The following FAM13B variants were observed in gnomAD, a reference collection of about 807,000 sequenced individuals.
The protein encoded by FAM13B is protein FAM13B.
FAM13B carries 60 observed loss-of-function variants against 117.3 expected under a neutral mutation model. The observed-to-expected ratio is 0.51, with a 90% CI of 0.42 to 0.63. The LOEUF is 0.63. Ranked by LOEUF, FAM13B falls within the 30% of genes least tolerant of loss-of-function variation. The probability of loss-of-function intolerance (pLI) is 0.00; values close to 1 mark genes in which losing one functional copy is unlikely to be tolerated. For missense variants in FAM13B, 972 were observed against 1,091.9 expected (o/e 0.89, Z 1.55); for synonymous variants, 332 against 356.1 (o/e 0.93, Z 0.76).
chr5:138,036,809 G>A (rs1165448646), upstream of FAM13B: 1 of 344,454 alleles, frequency 2.9e-6, no homozygotes, highest in African/African-American at 2.2e-5. Flanking sequence ...GTTCTCAACT[G>A]CGACAATTTT....
chr5:138,043,187 GA>G (rs1791547032), intron 1 of FAM13B, among the ~76,000 whole-genome samples: 1 of 152,054 alleles, frequency 6.6e-6, no homozygotes, highest in African/African-American at 2.4e-5. Context: ...ACCATAGTGA[GA>G]CCCTGTCTCT....
chr5:138,024,443 A>T (rs1055992014), intron 1 of FAM13B, among the ~76,000 whole-genome samples: 2 of 152,074 alleles, frequency 1.3e-5, no homozygotes, highest in African/African-American at 4.8e-5. Flanking sequence ...TGCCCTGTGG[A>T]CACTTCCTTT....
intron 10 of FAM13B, among the ~76,000 whole-genome samples, chr5:137,966,459 T>TTA (rs373885448): frequency 0.014 from 683 of 50,196 alleles, 18 homozygotes; most frequent in Non-Finnish European, 0.016. Context: ...GAAATAGATT[T>TTA]TATATATATA....
At chr5:138,013,944 G>T (rs938940942) in intron 4 of FAM13B, among the ~76,000 whole-genome samples, 50 of 152,184 alleles carry the variant, frequency 3.3e-4, no homozygotes, top group African/African-American at 1.2e-3. Context: ...TGAGCGCAGA[G>T]ATATTTTTTT....
At chr5:138,042,666 T>C (rs1487462476) in intron 1 of FAM13B, among the ~76,000 whole-genome samples, 2 of 147,762 alleles carry the variant, frequency 1.4e-5, no homozygotes, top group African/African-American at 2.5e-5. Flanking sequence ...AGGAAGTGAC[T>C]ATCATAGACA....
chr5:137,985,750 G>C (rs1777047755), intron 9 of FAM13B, among the ~76,000 whole-genome samples: 1 of 152,166 alleles, frequency 6.6e-6, no homozygotes. Flanking sequence ...ACACTACAGT[G>C]TCCAACACCT....
At chr5:137,964,435 T>G (rs1769055695) in intron 10 of FAM13B, among the ~76,000 whole-genome samples, 1 of 147,664 alleles carries the variant, frequency 6.8e-6, no homozygotes, top group South Asian at 2.2e-4. Context: ...AAAATGAACC[T>G]TGGGGCCAGG....
chr5:137,974,952 G>T (rs1252339454), intron 10 of FAM13B, among the ~76,000 whole-genome samples: 1 of 152,114 alleles, frequency 6.6e-6, no homozygotes, highest in Non-Finnish European at 1.5e-5. Context: ...TTCAATTTTA[G>T]TGTCCATAAA....
chr5:138,031,893 T>C (rs1239648948), intron 1 of FAM13B, among the ~76,000 whole-genome samples: 1 of 152,138 alleles, frequency 6.6e-6, no homozygotes, highest in African/African-American at 2.4e-5. Flanking sequence ...AAACCACCCT[T>C]TAATGTCTGT....
At chr5:137,954,483 G>A in intron 14 of FAM13B, 107 bp from the exon 15 acceptor site, 1 of 705,896 alleles carries the variant, frequency 1.4e-6, no homozygotes, top group Admixed American at 2.6e-5. Context: ...ATTATGTAGT[G>A]GTTCATATAT....
At chr5:138,051,454 G>A (rs73792409) in intron 1 of FAM13B, among the ~76,000 whole-genome samples, 1,780 of 152,196 alleles carry the variant, frequency 0.012, 33 homozygotes, top group African/African-American at 0.041. Flanking sequence ...ACCAAAAAGG[G>A]ACTTTATGTA....
intron 10 of FAM13B, among the ~76,000 whole-genome samples, chr5:137,976,729 C>A (rs1223230475): frequency 6.6e-6 from 1 of 152,180 alleles, no homozygotes; most frequent in Non-Finnish European, 1.5e-5. Flanking sequence ...CTTATCACCT[C>A]CCCAATCAAT....
upstream of FAM13B, chr5:138,033,168 C>G (rs1790656458): frequency 5.8e-6 from 3 of 517,588 alleles, no homozygotes; most frequent in Non-Finnish European, 7.5e-6. Context: ...GTCCCCACCC[C>G]CACAGCATTC....
intron 18 of FAM13B, among the ~76,000 whole-genome samples, chr5:137,947,217 T>C (rs1763672839): frequency 6.6e-6 from 1 of 152,242 alleles, no homozygotes; most frequent in Admixed American, 6.5e-5. Context: ...GACTCATTAA[T>C]ACCACCCTGG....
At chr5:138,048,718 A>AG (rs1408815298) in intron 1 of FAM13B, among the ~76,000 whole-genome samples, 1 of 152,190 alleles carries the variant, frequency 6.6e-6, no homozygotes, top group Non-Finnish European at 1.5e-5. Context: ...GCCAAGTAGA[A>AG]GGTATATAGG....
rs370704588 is a variant in FAM13B at position 137,954,272 on chromosome 5, A to T, written c.1612T>A (p.Cys538Ser). Residue 538 changes from cysteine (C) to serine (S), a missense_variant, in exon 15 of 24, where the codon TGT (cysteine) becomes AGT (serine). Transcript: ENST00000689681. Reference protein sequence around the residue: ...RMNHHPLEEDCPPVLSHRSLD... With the variant: ...RMNHHPLEEDSPPVLSHRSLD... ...CTGCGGTGTGATAATACTGGAGGAC[A>T]GTCCTCTTCCAAGGGGTGATGATTC... 1.9e-6 allele frequency: 3 copies of T among 1,614,112 alleles called. No homozygotes were observed. Among genetic ancestry groups the T allele is most frequent in the Non-Finnish European group, 2.5e-6 (3 of 1,179,996 alleles).
intron 6 of FAM13B, 63 bp from the exon 7 acceptor site, chr5:138,007,210 T>C (rs1782767065): frequency 8.1e-7 from 1 of 1,241,766 alleles, no homozygotes; most frequent in African/African-American, 1.5e-5. Context: ...ATCTAAGACA[T>C]ACTATTCTAT....
intron 14 of FAM13B, 125 bp from the exon 15 acceptor site, chr5:137,954,501 C>CACAT (rs1765897875): frequency 3.4e-6 from 2 of 583,046 alleles, no homozygotes; most frequent in Non-Finnish European, 6.0e-6. Context: ...TATACATACA[C>CACAT]ACATACACAC....
At chr5:137,993,997 A>G (rs1779264824) in intron 7 of FAM13B, among the ~76,000 whole-genome samples, 2 of 152,192 alleles carry the variant, frequency 1.3e-5, no homozygotes, top group South Asian at 4.1e-4. Context: ...GTTTAATAAA[A>G]TTTCCAGTTA....
Sources: allele counts gnomAD v4.1 joint callset (sites outside exome capture counted in the v4.1 genomes callset), GRCh38; gene constraint gnomAD v4.1.1; transcripts MANE v1.5; gene names NCBI Gene and HGNC (gene_info 2026-07-23, HGNC 2026-07-21).